Variants in TDRP observed in about 807,000 individuals in gnomAD.
TDRP encodes the protein testis development-related protein.
In TDRP, 12 loss-of-function variants were observed where a neutral mutation model predicts 10.5. The observed-to-expected ratio is 1.15, with a 90% CI of 0.73 to 1.86. The LOEUF (loss-of-function observed/expected upper bound fraction) is 1.86. Ranked by LOEUF, TDRP falls within the 40% of genes most tolerant of loss-of-function variation. The pLI is 0.00. For synonymous variants in TDRP, 139 were observed against 95.4 expected (o/e 1.46, Z -2.67); for missense variants, 353 against 229.2 (o/e 1.54, Z -3.49).
chr8:491,861 G>A lies in TDRP; in HGVS notation c.*538C>T. 8.4e-7 allele frequency: 1 copy of A among 1,197,308 alleles called. No individual in the cohort carries two copies. The highest frequency in any genetic ancestry group is 1.0e-6 in the Non-Finnish European group (1 of 965,774). 74.2% of individuals were successfully genotyped at this position (1,197,308 alleles called of 1,614,324 possible). On this transcript the variant is annotated 3_prime_UTR_variant, in exon 3 of 3. Coordinates refer to ENST00000324079, the MANE Select transcript of TDRP (RefSeq NM_001384899.1). The stretch of plus-strand genomic sequence containing the variant: ...CATTTTACTCCCAAATATAAGCTTT[G>A]CTTTTCCAGTATTTGTTTACGTATT...
intron 1 of TDRP, among the ~76,000 whole-genome samples, chr8:528,887 T>C (rs1363968528): frequency 6.6e-6 from 1 of 152,024 alleles, no homozygotes; most frequent in African/African-American, 2.4e-5. Flanking sequence ...TAAGTAGTAT[T>C]AACTCACACA....
At chr8:516,164 G>C (rs1801752705) in intron 1 of TDRP, among the ~76,000 whole-genome samples, 1 of 152,134 alleles carries the variant, frequency 6.6e-6, no homozygotes, top group African/African-American at 2.4e-5. Flanking sequence ...CCTAAATGTG[G>C]TGGTGTGAAT....
intron 1 of TDRP, among the ~76,000 whole-genome samples, chr8:500,740 G>T (rs1468149030): frequency 6.6e-6 from 1 of 152,190 alleles, no homozygotes; most frequent in African/African-American, 2.4e-5. Flanking sequence ...CTCCGGCCCT[G>T]GGAGAAAGCC....
chr8:519,478 G>C lies in TDRP; in HGVS notation c.109-24881C>G, dbSNP rs370885945. Among the ~76,000 whole-genome samples the C allele has an allele frequency of 2.2e-4, 33 of 152,192 alleles. No homozygotes were observed. The East Asian group carries it at 4.1e-3, about 19-fold the overall frequency. ...ACCATCTTAACTACCTTCAAGTATA[G>C]AGTTCAATTGCGTTAACTACATGCA... On this transcript the variant is annotated intron_variant, in intron 1 of 2. Transcript: ENST00000324079.
At chr8:516,106 A>G (rs995410855) in intron 1 of TDRP, among the ~76,000 whole-genome samples, 3 of 152,224 alleles carry the variant, frequency 2.0e-5, no homozygotes, top group Non-Finnish European at 4.4e-5. Flanking sequence ...ACATTAAAAA[A>G]ATATATAATT....
intron 1 of TDRP, among the ~76,000 whole-genome samples, chr8:523,541 A>C (rs990808062): frequency 1.3e-5 from 2 of 152,182 alleles, no homozygotes; most frequent in African/African-American, 4.8e-5. Context: ...GCATTTCTGG[A>C]CTTGCCCTGG....
chr8:541,568 C>G (rs1028222969), intron 1 of TDRP, among the ~76,000 whole-genome samples: 1 of 152,192 alleles, frequency 6.6e-6, no homozygotes, highest in African/African-American at 2.4e-5. Context: ...AATGAGAAAT[C>G]AAACCACCTA....
At chr8:529,036 C>G (rs1182413842) in intron 1 of TDRP, among the ~76,000 whole-genome samples, 1 of 152,122 alleles carries the variant, frequency 6.6e-6, no homozygotes, top group South Asian at 2.1e-4. Flanking sequence ...GGCTGGGAGG[C>G]TAGGCCAGTC....
At position 502,476 on chromosome 8, in the gene TDRP, C is replaced by T. The variant is rs1801332872; in HGVS notation, c.109-7879G>A. Among the ~76,000 whole-genome samples the T allele has an allele frequency of 2.0e-5, 3 of 152,232 alleles. No individual in the cohort carries two copies. In the South Asian group the frequency reaches 6.2e-4, roughly 31 times the overall value. ...GACCAGGCTCCCACCAGAGGGGCTG[C>T]TGATCTGACCCCCAGCCTGCCTGAA... On this transcript the variant is annotated intron_variant, in intron 1 of 2. Transcript: ENST00000324079.
intron 1 of TDRP, among the ~76,000 whole-genome samples, chr8:541,832 G>T (rs1377709654): frequency 6.6e-6 from 1 of 152,156 alleles, no homozygotes; most frequent in Non-Finnish European, 1.5e-5. Flanking sequence ...AGCCACTTTG[G>T]AAGACGGTTT....
At chr8:529,659 T>A (rs1802133305) in intron 1 of TDRP, among the ~76,000 whole-genome samples, 1 of 152,160 alleles carries the variant, frequency 6.6e-6, no homozygotes, top group Admixed American at 6.5e-5. Context: ...GCTGGGTGTA[T>A]TTTTATTTTT....
At chr8:492,830 A>T (rs1464677240) in intron 2 of TDRP, 86 bp from the exon 3 acceptor site, 2 of 1,052,294 alleles carry the variant, frequency 1.9e-6, no homozygotes, top group African/African-American at 3.2e-5. Flanking sequence ...AAATTCTTTA[A>T]AATTTTAAAA....
Position 492,325 on chromosome 8 carries a change from G to T in TDRP, c.*74C>A. On this transcript the variant is annotated 3_prime_UTR_variant, in exon 3 of 3. Coordinates refer to ENST00000324079, the MANE Select transcript of TDRP (RefSeq NM_001384899.1). ...TAGACTCTCTATTCTTTCTAACGCG[G>T]AAAAGACTCAACAACTACATGGTAT... 15 of 1,389,828 alleles carry T rather than the reference G, an allele frequency of 1.1e-5. No individual in the cohort carries two copies. In the South Asian group the frequency reaches 2.3e-4, roughly 22 times the overall value. 86.1% of individuals were successfully genotyped at this position (1,389,828 alleles called of 1,614,324 possible).
intron 1 of TDRP, among the ~76,000 whole-genome samples, chr8:502,750 T>C (rs1801339524): frequency 1.3e-5 from 2 of 149,634 alleles, no homozygotes; most frequent in African/African-American, 5.0e-5. Flanking sequence ...ATGGAACCCA[T>C]GCCCAACTCA....
intron 1 of TDRP, among the ~76,000 whole-genome samples, chr8:502,231 T>C (rs540974827): frequency 2.0e-5 from 3 of 152,354 alleles, no homozygotes; most frequent in Admixed American, 6.5e-5. Flanking sequence ...ACAGTGAACT[T>C]ATCTTTAAAC....
At chr8:545,580 G>A (rs1047440017), upstream of TDRP, 2 of 152,368 alleles carry the variant, frequency 1.3e-5, no homozygotes, top group Non-Finnish European at 2.9e-5. Flanking sequence ...AGGGGAAGGT[G>A]GAGGGGGCAC....
intron 1 of TDRP, among the ~76,000 whole-genome samples, chr8:535,309 G>T (rs1370819372): frequency 6.6e-6 from 1 of 151,996 alleles, no homozygotes; most frequent in Non-Finnish European, 1.5e-5. Context: ...CAAAGCCAAG[G>T]TGAGAGGAGG....
Position 492,308 on chromosome 8 carries a change from C to G in TDRP, c.*91G>C. On this transcript the variant is annotated 3_prime_UTR_variant, in exon 3 of 3. Transcript: ENST00000324079. ...CAAATATAGGCAAAAAGTAGACTCT[C>G]TATTCTTTCTAACGCGGAAAAGACT... 7.2e-7 allele frequency: 1 copy of G among 1,379,540 alleles called. No homozygotes were observed. The allele number at this position is 1,379,540 out of a possible 1,614,324, so 85.5% of individuals were successfully genotyped here.
intron 1 of TDRP, among the ~76,000 whole-genome samples, chr8:512,089 G>A (rs1193771312): frequency 1.3e-5 from 2 of 151,714 alleles, no homozygotes; most frequent in Admixed American, 1.3e-4. Context: ...GAGAATAACA[G>A]AAGAGAAATA....
Sources: allele counts gnomAD v4.1 joint callset (sites outside exome capture counted in the v4.1 genomes callset), GRCh38; gene constraint gnomAD v4.1.1; transcripts MANE v1.5; gene names NCBI Gene and HGNC (gene_info 2026-07-23, HGNC 2026-07-21).